CCDC63: variants seen among roughly 807,000 people sequenced by gnomAD.
CCDC63 encodes the protein coiled-coil domain-containing protein 63.
Under a neutral mutation model 63.6 loss-of-function variants are expected in CCDC63, and 54 were observed. The ratio of observed to expected loss-of-function variants is 0.85; its 90% CI spans 0.68 to 1.07. The LOEUF (loss-of-function observed/expected upper bound fraction) is 1.07. Among genes scored for constraint, CCDC63 ranks in the 50% least tolerant of loss-of-function variants. The pLI is 0.00. For synonymous variants in CCDC63, 253 were observed against 266.1 expected (o/e 0.95, Z 0.48); for missense variants, 637 against 689.6 (o/e 0.92, Z 0.86).
intron 9 of CCDC63, 87 bp downstream of exon 9, chr12:110,893,237 G>A (rs1019306965): frequency 2.3e-5 from 25 of 1,110,470 alleles, no homozygotes; most frequent in Admixed American, 3.9e-5. Flanking sequence ...TCTGTCCGTC[G>A]GGCATCTGTC....
intron 8 of CCDC63, 130 bp from the exon 9 acceptor site, chr12:110,892,936 AAGAGGGGCCC>A: frequency 6.1e-6 from 4 of 650,440 alleles, no homozygotes; most frequent in Non-Finnish European, 1.1e-5. Context: ...CCACGGGCCT[AAGAGGGGCCC>A]AGGTGTTTGG....
At chr12:110,906,003 T>TAA (rs2071569404) in intron 11 of CCDC63, among the ~76,000 whole-genome samples, 3 of 61,372 alleles carry the variant, frequency 4.9e-5, no homozygotes, top group African/African-American at 1.4e-4. Flanking sequence ...ATAATATATA[T>TAA]TATATAATAT....
rs375870661 is a variant in CCDC63, at chr12:110,904,614, C to T, written c.1369C>T (p.Leu457=). The part of the protein sequence containing the change: ...FAIIEKKTND[L]LLLETYRRIL... ...CATCATTGAAAAGAAGACCAACGAC[C>T]TGCTGCTGTTGGAGACCTACAGGCG... The change falls in exon 11 of 12, where the codon CTG becomes TTG. Residue 457 remains leucine, a synonymous_variant. Transcript: ENST00000308208. 1.2e-6 allele frequency: 2 copies of T among 1,614,056 alleles called. No homozygotes were observed. The highest frequency in any genetic ancestry group is 1.7e-6 in the Non-Finnish European group (2 of 1,179,992).
rs779757947 is a variant in CCDC63, at chr12:110,893,094, C to T, written c.1093C>T (p.Arg365Ter). 30 of 1,613,850 alleles carry T rather than the reference C, an allele frequency of 1.9e-5. No individual in the cohort carries two copies. The highest frequency in any genetic ancestry group is 2.3e-5 in the Non-Finnish European group (27 of 1,179,924). The part of the protein sequence containing the change: ...QRIQDEIILL[R>*]SQQKLSHDDN... Reference sequence around the variant, plus strand: ...CGAGCAGGACGAGATCATCCTCTTGCGATCCCAGCAGAAATTGTCCCACGA... The same window carrying T: ...CGAGCAGGACGAGATCATCCTCTTGTGATCCCAGCAGAAATTGTCCCACGA... The change falls in exon 9 of 12, where the codon CGA becomes TGA. Residue 365 changes from arginine (R) to a stop codon, truncating the protein, a stop_gained. Transcript: ENST00000308208. LOFTEE classifies it high-confidence loss of function.
At chr12:110,864,665 G>A (rs1481100481) in intron 4 of CCDC63, among the ~76,000 whole-genome samples, 6 of 149,942 alleles carry the variant, frequency 4.0e-5, no homozygotes, top group East Asian at 2.0e-4. Flanking sequence ...CCAAGATCAC[G>A]CCACTGTACT....
At chr12:110,861,647 C>T (rs1265714612) in intron 4 of CCDC63, among the ~76,000 whole-genome samples, 1 of 152,026 alleles carries the variant, frequency 6.6e-6, no homozygotes, top group Non-Finnish European at 1.5e-5. Flanking sequence ...TCTCGGCTCA[C>T]TGCAACCTCC....
upstream of CCDC63, chr12:110,845,959 C>CAAAAAAAAAAA (rs34690976): frequency 2.0e-4 from 19 of 95,994 alleles, no homozygotes; most frequent in South Asian, 7.1e-4. Context: ...AGTAGAAATA[C>CAAAAAAAAAAA]AAAAAAAAAA....
At chr12:110,867,575 G>A (rs1203318228) in intron 4 of CCDC63, among the ~76,000 whole-genome samples, 26 of 138,308 alleles carry the variant, frequency 1.9e-4, no homozygotes, top group African/African-American at 3.9e-4. Context: ...CGGGCGGGGG[G>A]CTGACCCCCC....
At chr12:110,892,459 C>G (rs2071369153) in intron 8 of CCDC63, among the ~76,000 whole-genome samples, 1 of 151,998 alleles carries the variant, frequency 6.6e-6, no homozygotes, top group African/African-American at 2.4e-5. Context: ...CCTAGTGGCA[C>G]CAGTCATATT....
chr12:110,869,020 G>A (rs1048478912), intron 4 of CCDC63, among the ~76,000 whole-genome samples: 2 of 151,124 alleles, frequency 1.3e-5, no homozygotes, highest in African/African-American at 2.4e-5. Context: ...AGCTTCCCAT[G>A]AAGATAGCTG....
At chr12:110,868,802 AGAG>A in intron 4 of CCDC63, among the ~76,000 whole-genome samples, 1 of 145,908 alleles carries the variant, frequency 6.9e-6, no homozygotes, top group Non-Finnish European at 1.5e-5. Flanking sequence ...AGGGAGAGGG[AGAG>A]CTTAAGCCAC....
At chr12:110,882,680 C>T (rs2071223213) in intron 7 of CCDC63, among the ~76,000 whole-genome samples, 1 of 151,302 alleles carries the variant, frequency 6.6e-6, no homozygotes, top group African/African-American at 2.4e-5. Flanking sequence ...AAATTCTAGA[C>T]ACTCAGAGGA....
intron 4 of CCDC63, among the ~76,000 whole-genome samples, chr12:110,865,586 G>A (rs2070936865): frequency 6.6e-6 from 1 of 152,110 alleles, no homozygotes; most frequent in African/African-American, 2.4e-5. Flanking sequence ...GGGATATCAG[G>A]CATGAATTTT....
chr12:110,873,956 A>G lies in CCDC63; in HGVS notation c.484A>G (p.Asn162Asp). Residue 162 changes from asparagine (N) to aspartate (D), a missense_variant, in exon 5 of 12, where the codon AAT (asparagine) becomes GAT (aspartate). Asn to Asp is a conservative substitution (Grantham distance 23, BLOSUM62 1). Coordinates refer to ENST00000308208, the MANE Select transcript of CCDC63 (RefSeq NM_152591.3). ...GATTCACATTTTGGAAACCCGTTTG[A>G]ATCTCGTATGTAAAGTGTTCTCTGC... ...KQIHILETRL[N>D]LVTVHFDKML... 1 of 1,611,478 alleles carries G rather than the reference A, an allele frequency of 6.2e-7. No homozygotes were observed. The highest frequency in any genetic ancestry group is 8.5e-7 in the Non-Finnish European group (1 of 1,179,206).
rs142416969 is a variant in CCDC63 at position 110,904,782 on chromosome 12, T to A, written c.1537T>A (p.Leu513Met). The A allele has an allele frequency of 2.6e-4, 416 of 1,607,772 alleles. 5 individuals carry two copies. In the African/African-American group the frequency reaches 5.2e-3, roughly 20 times the overall value. ...GGGGGCTGACCCCTTCAGCGACAGG[T>A]TGGATGATGGTGAGTTCTCTCTCTC... The part of the protein sequence containing the change: ...VLGADPFSDR[L>M]DDVEQPLDHS... The change falls in exon 11 of 12, where the codon TTG (leucine) becomes ATG (methionine). Residue 513 changes from leucine (L) to methionine (M), a missense_variant. Coordinates refer to ENST00000308208, the MANE Select transcript of CCDC63 (RefSeq NM_152591.3).
intron 4 of CCDC63, among the ~76,000 whole-genome samples, chr12:110,862,748 TTTC>T (rs2070873731): frequency 6.6e-6 from 1 of 151,076 alleles, no homozygotes. Flanking sequence ...TTCTTTTCTT[TTTC>T]TTTTCTTTTT....
chr12:110,873,691 C>A (rs2071093856), intron 4 of CCDC63, 151 bp from the exon 5 acceptor site: 2 of 901,894 alleles, frequency 2.2e-6, no homozygotes, highest in Admixed American at 3.0e-5. Flanking sequence ...AAGAACATTG[C>A]AGTTTTTGTC....
intron 8 of CCDC63, among the ~76,000 whole-genome samples, chr12:110,888,825 CCTTCCTTCCTTCCTTCCTTCCTTCCT>C (rs1159114555): frequency 1.1e-4 from 16 of 145,348 alleles, no homozygotes; most frequent in African/African-American, 3.6e-4. Context: ...TTCCTTCCTT[CCTTCCTTCCTTCCTTCCTTCCTTCCT>C]TCCTTCCTTC....
At chr12:110,898,433 C>T (rs1306186117) in intron 9 of CCDC63, among the ~76,000 whole-genome samples, 3 of 145,320 alleles carry the variant, frequency 2.1e-5, no homozygotes, top group African/African-American at 5.1e-5. Flanking sequence ...GAGCAGCCTG[C>T]GTCTCTACTA....
Sources: gnomAD v4.1 joint callset for allele counts (sites outside exome capture counted in the v4.1 genomes callset) on GRCh38, gnomAD v4.1.1 for gene constraint, MANE v1.5 for transcripts, NCBI Gene and HGNC (gene_info 2026-07-23, HGNC 2026-07-21) for gene names.